JMJD8: variants seen among roughly 807,000 people sequenced by gnomAD.
JMJD8 encodes jmjC domain-containing protein 8.
Under a neutral mutation model 37.6 loss-of-function variants are expected in JMJD8, and 56 were observed. The ratio of observed to expected loss-of-function variants is 1.49; its 90% CI spans 1.20 to 1.86. The LOEUF (loss-of-function observed/expected upper bound fraction) is 1.86. Among genes scored for constraint, JMJD8 ranks in the 40% most tolerant of loss-of-function variants. JMJD8 has a pLI of 0.00. For synonymous variants in JMJD8, 261 were observed against 163.7 expected (o/e 1.59, Z -4.54); for missense variants, 542 against 362.7 (o/e 1.49, Z -4.01).
At position 682,303 on chromosome 16, in the gene JMJD8, G is replaced by C; in HGVS notation, c.*491C>G. On this transcript the variant is annotated 3_prime_UTR_variant, in exon 9 of 9. Coordinates refer to ENST00000609261, the MANE Select transcript of JMJD8 (RefSeq NM_001005920.4). ...GCAGGTGAGGCCTGCGGCTGGGGGA[G>C]CAGGGCCAGTGGCATGGTCCTGGGC... 6.2e-7 allele frequency: 1 copy of C among 1,612,600 alleles called. No individual in the cohort carries two copies. The highest frequency in any genetic ancestry group is 8.5e-7 in the Non-Finnish European group (1 of 1,179,828).
At position 683,394 on chromosome 16, in the gene JMJD8, G is replaced by A. The variant is rs1447419204; in HGVS notation, c.439C>T (p.Leu147Phe). The part of the protein sequence containing the change: ...GDNNFTEWAS[L>F]FRHYSPPPFG... ...GGGGGTGGGGAGTAGTGCCGAAAGA[G>A]AGAGGCCCACTCGGTGAAGTTGTTG... The change falls in exon 6 of 9, where the codon CTC becomes TTC. Residue 147 changes from leucine (L) to phenylalanine (F), a missense_variant. Transcript: ENST00000609261. 1.1e-5 allele frequency: 17 copies of A among 1,554,742 alleles called. No individual in the cohort carries two copies. The highest frequency in any genetic ancestry group is 1.4e-5 in the African/African-American group (1 of 73,180).
chr16:682,734 T>G lies in JMJD8; in HGVS notation c.*60A>C. 6.3e-7 allele frequency: 1 copy of G among 1,577,308 alleles called. No homozygotes were observed. Among genetic ancestry groups the G allele is most frequent in the East Asian group, 2.3e-5 (1 of 44,266 alleles). ...TGCCGCCACTATCTGTGTAATAAAA[T>G]CCGTGAGCACGAGGTGGGACGTGCT... On this transcript the variant is annotated 3_prime_UTR_variant, in exon 9 of 9. Transcript: ENST00000609261.
At chr16:683,298 T>C in intron 6 of JMJD8, 24 bp downstream of exon 6, 1 of 1,609,424 alleles carries the variant, frequency 6.2e-7, no homozygotes, top group Non-Finnish European at 8.5e-7. Flanking sequence ...GCCTCAGTCC[T>C]TCCCAGTCCC....
chr16:683,838 G>C, intron 3 of JMJD8, 23 bp downstream of exon 3: 4 of 1,584,710 alleles, frequency 2.5e-6, no homozygotes, highest in Non-Finnish European at 2.6e-6. Context: ...AGAGTGGCCG[G>C]GGACGGACGG....
Position 684,251 on chromosome 16 carries a change from C to T in JMJD8, c.69G>A (p.Ala23=). The change falls in exon 1 of 9, where the codon GCG becomes GCA. Residue 23 remains alanine (A), a synonymous_variant. Transcript: ENST00000609261. ...LAAVALPGSG[A]EGDGGWRPGG... is the part of the protein sequence containing the mutation. ...CCGCTCACCACCCGCCGTCGCCCTC[C>T]GCCCCGGAGCCGGGTAGAGCCACAG... 1.5e-6 allele frequency: 2 copies of T among 1,361,102 alleles called. No individual in the cohort carries two copies. The highest frequency in any genetic ancestry group is 1.9e-6 in the Non-Finnish European group (2 of 1,065,942). The allele number at this position is 1,361,102 out of a possible 1,614,324, so 84.3% of individuals were successfully genotyped here.
At position 683,342 on chromosome 16, in the gene JMJD8, G is replaced by C. The variant is rs765466606; in HGVS notation, c.491C>G (p.Ala164Gly). The change falls in exon 6 of 9, where the codon GCT (alanine) becomes GGT (glycine). Residue 164 changes from alanine to glycine, a missense_variant. Physicochemically the swap from Ala to Gly is moderately conservative, Grantham distance 60 (BLOSUM62 0). Coordinates refer to ENST00000609261, the MANE Select transcript of JMJD8 (RefSeq NM_001005920.4). ...PPFGLLGTAP[A>G]YSFGIAGAGS... is the part of the protein sequence containing the mutation. Reference sequence around the variant, plus strand: ...CCCACCTGCGATTCCAAAGCTGTAAGCTGGAGCGGTTCCCAGCAGGCCAAA... The same window carrying C: ...CCCACCTGCGATTCCAAAGCTGTAACCTGGAGCGGTTCCCAGCAGGCCAAA... 2 of 1,576,968 alleles carry C rather than the reference G, an allele frequency of 1.3e-6. No individual in the cohort carries two copies. Among genetic ancestry groups the C allele is most frequent in the Admixed American group, 1.9e-5 (1 of 53,386 alleles).
Position 682,662 on chromosome 16 carries a change from C to T in JMJD8, c.*132G>A, listed in dbSNP as rs919749186. On this transcript the variant is annotated 3_prime_UTR_variant, in exon 9 of 9. Coordinates refer to ENST00000609261, the MANE Select transcript of JMJD8 (RefSeq NM_001005920.4). The stretch of plus-strand genomic sequence containing the variant: ...CTTTTGCTGGGCCGTGATCGTCCCC[C>T]TTTGTGGGCTGGAAAAGCAGGTGAG... The T allele has an allele frequency of 7.1e-7, 1 of 1,408,912 alleles. No homozygotes were observed. Among genetic ancestry groups the T allele is most frequent in the Non-Finnish European group, 9.7e-7 (1 of 1,028,094 alleles). 87.3% of individuals were successfully genotyped at this position (1,408,912 alleles called of 1,614,324 possible).
In JMJD8 at chr16:682,671, C is replaced by A. The variant is rs1285169314; in HGVS notation, c.*123G>T. ...GGCCGTGATCGTCCCCCTTTGTGGG[C>A]TGGAAAAGCAGGTGAGGGTGGGCTG... On this transcript the variant is annotated 3_prime_UTR_variant, in exon 9 of 9. Transcript: ENST00000609261. The A allele has an allele frequency of 7.8e-6, 11 of 1,416,014 alleles. No homozygotes were observed. In the African/African-American group the frequency reaches 1.5e-4, roughly 20 times the overall value. 87.7% of individuals were successfully genotyped at this position (1,416,014 alleles called of 1,614,324 possible).
At chr16:683,636 C>T (rs1312565565) in intron 4 of JMJD8, 38 bp from the exon 5 acceptor site, 3 of 1,576,430 alleles carry the variant, frequency 1.9e-6, no homozygotes, top group South Asian at 2.3e-5. Flanking sequence ...TCTGGTCCAG[C>T]CGCCCCGGTG....
chr16:683,431 G>A lies in JMJD8; in HGVS notation c.402C>T (p.Tyr134=), dbSNP rs765779943. 2.6e-5 allele frequency: 40 copies of A among 1,551,830 alleles called. 1 individual carries two copies. The highest frequency in any genetic ancestry group is 1.7e-4 in the Middle Eastern group (1 of 6,016). Residue 134 remains tyrosine (Y), a synonymous_variant, in exon 6 of 9, where the codon TAC becomes TAT. Transcript: ENST00000609261. ...DPTSLGNDTL[Y]FFGDNNFTEW... ...CGGTGAAGTTGTTGTCCCCGAAGAA[G>A]TACAGGGTGTCTGCCAACAGAGACG... is the stretch of plus-strand genomic sequence containing the variant.
In JMJD8 at chr16:682,555, CAT is replaced by C; in HGVS notation, c.*237_*238del. The C allele has an allele frequency of 6.2e-7, 1 of 1,600,432 alleles. No individual in the cohort carries two copies. The highest frequency in any genetic ancestry group is 8.5e-7 in the Non-Finnish European group (1 of 1,172,214). On this transcript the variant is annotated 3_prime_UTR_variant, in exon 9 of 9. Transcript: ENST00000609261. ...TGGGCAGAAGCCCCCGGCCCCTATA[CAT>C]AGTTTATGTTCCTGGCCACCCCGAC...
chr16:683,743 A>G lies in JMJD8; in HGVS notation c.264T>C (p.Ala88=). 1 of 1,610,240 alleles carries G rather than the reference A, an allele frequency of 6.2e-7. No individual in the cohort carries two copies. Among genetic ancestry groups the G allele is most frequent in the South Asian group, 1.1e-5 (1 of 90,578 alleles). Residue 88 remains alanine (A), a synonymous_variant, in exon 4 of 9, where the codon GCT becomes GCC. Transcript: ENST00000609261. ...GCCGGACCACTCTGTCCCCAAACGA[A>G]GCCAGCAACCTGTCGCGGGAGCACA... is the stretch of plus-strand genomic sequence containing the variant. ...RALCSRDRLL[A]SFGDRVVRLS...
chr16:682,760 G>GGT lies in JMJD8; in HGVS notation c.*32_*33dup. ...CCGTGAGCACGAGGTGGGACGTGCTGGTGTGTGACCGGCAGTCCTGCCAGC... is the reference window on the plus strand; with the variant it reads ...CCGTGAGCACGAGGTGGGACGTGCTGGTGTGTGTGACCGGCAGTCCTGCCAGC... On this transcript the variant is annotated 3_prime_UTR_variant, in exon 9 of 9. Transcript: ENST00000609261. 1 of 1,607,572 alleles carries GGT rather than the reference G, an allele frequency of 6.2e-7. No individual in the cohort carries two copies.
In JMJD8 at chr16:684,278, C is replaced by T. The variant is rs1479891895; in HGVS notation, c.42G>A (p.Ala14=). The change falls in exon 1 of 9, where the codon GCG becomes GCA. Residue 14 remains alanine, a synonymous_variant. Coordinates refer to ENST00000609261, the MANE Select transcript of JMJD8 (RefSeq NM_001005920.4). ...CCCCGGAGCCGGGTAGAGCCACAGC[C>T]GCCAGCGCCCAGAGCGCGAGCAACC... is the stretch of plus-strand genomic sequence containing the variant. ...ASRLLALWAL[A]AVALPGSGAE... 1.4e-6 allele frequency: 2 copies of T among 1,449,338 alleles called. No homozygotes were observed. The highest frequency in any genetic ancestry group is 2.7e-5 in the Admixed American group (1 of 37,088). The allele number at this position is 1,449,338 out of a possible 1,614,324, so 89.8% of individuals were successfully genotyped here.
intron 3 of JMJD8, 34 bp from the exon 4 acceptor site, chr16:683,815 C>A: frequency 6.3e-7 from 1 of 1,587,594 alleles, no homozygotes; most frequent in African/African-American, 1.3e-5. Flanking sequence ...AGTGGCCGGG[C>A]CCAGCACGGG....
Position 682,098 on chromosome 16 carries a change from C to A in JMJD8, c.*696G>T. The A allele has an allele frequency of 6.3e-7, 1 of 1,581,588 alleles. No homozygotes were observed. Among genetic ancestry groups the A allele is most frequent in the Non-Finnish European group, 8.6e-7 (1 of 1,157,478 alleles). ...GAAGGTGAGTGTGTGTCGCTTGCTG[C>A]CGATGGCTGGCAGGTGCTCGTGCAG... is the stretch of plus-strand genomic sequence containing the variant. On this transcript the variant is annotated 3_prime_UTR_variant, in exon 9 of 9. Coordinates refer to ENST00000609261, the MANE Select transcript of JMJD8 (RefSeq NM_001005920.4).
rs371111297 is a variant in JMJD8 at position 683,556 on chromosome 16, G to A, written c.365C>T (p.Pro122Leu). 1.3e-6 allele frequency: 2 copies of A among 1,570,240 alleles called. No homozygotes were observed. The highest frequency in any genetic ancestry group is 4.7e-5 in the East Asian group (2 of 42,562). The change falls in exon 5 of 9, where the codon CCC (proline) becomes CTC (leucine). Residue 122 changes from proline to leucine, a missense_variant. By Grantham distance (98) the Pro-to-Leu change is moderately conservative. Transcript: ENST00000609261. ...FQEYVEQLLH[P>L]QDPTSLGNDT... ...ATTGCCCAGGGAGGTGGGGTCCTGG[G>A]GGTGCAGCAGCTGCTCCACATACTC...
rs1454486246 is a variant in JMJD8, at chr16:682,108, G to C, written c.*686C>G. On this transcript the variant is annotated 3_prime_UTR_variant, in exon 9 of 9. Coordinates refer to ENST00000609261, the MANE Select transcript of JMJD8 (RefSeq NM_001005920.4). ...GTGTGTCGCTTGCTGCCGATGGCTG[G>C]CAGGTGCTCGTGCAGTGCCCCTTTT... 5 of 1,582,692 alleles carry C rather than the reference G, an allele frequency of 3.2e-6. No homozygotes were observed. The highest frequency in any genetic ancestry group is 4.3e-6 in the Non-Finnish European group (5 of 1,157,824).
At position 683,402 on chromosome 16, in the gene JMJD8, C is replaced by T; in HGVS notation, c.431G>A (p.Trp144Ter). ...YFFGDNNFTEWASLFRHYSPP... is the reference protein window; with the variant it reads ...YFFGDNNFTE ...GGAGTAGTGCCGAAAGAGAGAGGCCCACTCGGTGAAGTTGTTGTCCCCGAA... is the reference window on the plus strand; with the variant it reads ...GGAGTAGTGCCGAAAGAGAGAGGCCTACTCGGTGAAGTTGTTGTCCCCGAA... The change falls in exon 6 of 9, where the codon TGG (tryptophan) becomes TAG (stop). Residue 144 changes from tryptophan (W) to a stop codon, truncating the protein, a stop_gained. Transcript: ENST00000609261. LOFTEE classifies it high-confidence loss of function. 6.4e-7 allele frequency: 1 copy of T among 1,553,688 alleles called. No homozygotes were observed. Among genetic ancestry groups the T allele is most frequent in the Non-Finnish European group, 8.7e-7 (1 of 1,148,296 alleles).
Sources: gnomAD v4.1 joint callset for allele counts on GRCh38, gnomAD v4.1.1 for gene constraint, MANE v1.5 for transcripts, NCBI Gene and HGNC (gene_info 2026-07-23, HGNC 2026-07-21) for gene names.